HACD1: variants seen among roughly 807,000 people sequenced by gnomAD.
HACD1 encodes the protein very-long-chain (3R)-3-hydroxyacyl-CoA dehydratase 1.
Under a neutral mutation model 32.0 loss-of-function variants are expected in HACD1, and 41 were observed. The observed-to-expected ratio is 1.28, with a 90% CI of 1.00 to 1.66. The LOEUF is 1.66. Among genes scored for constraint, HACD1 ranks in the 40% most tolerant of loss-of-function variants. HACD1 has a pLI of 0.00. For missense variants in HACD1, 396 were observed against 380.1 expected, an observed-to-expected ratio of 1.04 and a Z score of -0.35; for synonymous variants, 142 against 139.0, an observed-to-expected ratio of 1.02 and a Z score of -0.15.
In HACD1 at chr10:17,591,649, A is replaced by G. The variant is rs1554815579; in HGVS notation, c.785-1203T>C. 6.6e-5 allele frequency among the ~76,000 whole-genome samples: 10 copies of G among 152,374 alleles called. No individual in the cohort carries two copies. The South Asian group carries it at 2.1e-3, about 32-fold the overall frequency. On this transcript the variant is annotated intron_variant, in intron 6 of 6. Coordinates refer to ENST00000361271, the MANE Select transcript of HACD1 (RefSeq NM_014241.4). ...TCATAGTATAAATGTTGGTGGATAAACAAATTAATATCAGCTATAAACAAT... is the reference window on the plus strand; with the variant it reads ...TCATAGTATAAATGTTGGTGGATAAGCAAATTAATATCAGCTATAAACAAT...
Position 17,599,059 on chromosome 10 carries a change from T to C in HACD1, c.605+231A>G. On this transcript the variant is annotated intron_variant, in intron 5 of 6. Transcript: ENST00000361271. Reference sequence around the variant, plus strand: ...AATTCTGAGGTTAAGGATACCACAATTTGTCTCACATTGATTTCACTCAAA... The same window carrying C: ...AATTCTGAGGTTAAGGATACCACAACTTGTCTCACATTGATTTCACTCAAA... 3.9e-6 allele frequency: 3 copies of C among 765,532 alleles called. 1 individual carries two copies. In the South Asian group the frequency reaches 1.3e-4, roughly 32 times the overall value. The allele number at this position is 765,532 out of a possible 1,614,324, so 47.4% of individuals were successfully genotyped here.
chr10:17,590,312 A>G lies in HACD1; in HGVS notation c.*52T>C. Reference sequence around the variant, plus strand: ...GTTTATTCTTGTTATTAAAACTTGGACTCAGGTAATCTTGGTTATTCTGGA... The same window carrying G: ...GTTTATTCTTGTTATTAAAACTTGGGCTCAGGTAATCTTGGTTATTCTGGA... On this transcript the variant is annotated 3_prime_UTR_variant, in exon 7 of 7. Coordinates refer to ENST00000361271, the MANE Select transcript of HACD1 (RefSeq NM_014241.4). 1 of 1,287,006 alleles carries G rather than the reference A, an allele frequency of 7.8e-7. No homozygotes were observed. The highest frequency in any genetic ancestry group is 1.1e-6 in the Non-Finnish European group (1 of 916,424). 79.7% of individuals were successfully genotyped at this position (1,287,006 alleles called of 1,614,324 possible). A position where few individuals can be genotyped will look rare whatever the true frequency, so the allele number is the denominator to read the frequency against.
Position 17,617,222 on chromosome 10 carries a change from T to C in HACD1, c.118A>G (p.Met40Val), listed in dbSNP as rs1432100572. ...GTGCCGTCCTCGTCGCTGGACGCCA[T>C]GGTGGCCGCGCACCTGGGGGACGTG... ...SPTSPRCAAT[M>V]ASSDEDGTNG... is the part of the protein sequence containing the mutation. The change falls in exon 1 of 7, where the codon ATG becomes GTG. Residue 40 changes from methionine (M) to valine (V), a missense_variant. Coordinates refer to ENST00000361271, the MANE Select transcript of HACD1 (RefSeq NM_014241.4). The C allele has an allele frequency of 2.7e-6, 4 of 1,492,342 alleles. No individual in the cohort carries two copies. The highest frequency in any genetic ancestry group is 5.7e-5 in the East Asian group (2 of 35,124). 92.4% of individuals were successfully genotyped at this position (1,492,342 alleles called of 1,614,324 possible). A position where few individuals can be genotyped will look rare whatever the true frequency, so the allele number is the denominator to read the frequency against.
chr10:17,609,529 G>A (rs1834200487), intron 1 of HACD1, among the ~76,000 whole-genome samples: 1 of 152,130 alleles, frequency 6.6e-6, no homozygotes, highest in Admixed American at 6.6e-5. Context: ...AAGATACTCA[G>A]TATCGTTAGC....
rs1384555392 is a variant in HACD1, at chr10:17,617,336, C to A, written c.4G>T (p.Gly2Trp). ...GCTGCCGCCGCTTCCGTCAGGCGCC[C>A]CATGTGCAGCGCGCAGGGGGCTCGG... M[G>W]RLTEAAAAGS... The change falls in exon 1 of 7, where the codon GGG (glycine) becomes TGG (tryptophan). Residue 2 changes from glycine (G) to tryptophan (W), a missense_variant. Physicochemically the swap from Gly to Trp is radical, Grantham distance 184. Transcript: ENST00000361271. 5.0e-6 allele frequency: 7 copies of A among 1,412,822 alleles called. No homozygotes were observed. The highest frequency in any genetic ancestry group is 3.1e-5 in the East Asian group (1 of 32,640). 87.5% of individuals were successfully genotyped at this position (1,412,822 alleles called of 1,614,324 possible).
rs1326837541 is a variant in HACD1 at position 17,607,458 on chromosome 10, A to G, written c.258-3411T>C. On this transcript the variant is annotated intron_variant, in intron 1 of 6. Transcript: ENST00000361271. ...AATTCAAAGTCCCCATATTTCTTCT[A>G]CTAAGAAAACAAAAAGTTTATTAAG... Among the ~76,000 whole-genome samples the G allele has an allele frequency of 2.0e-5, 3 of 152,180 alleles. 1 individual carries two copies. The highest frequency in any genetic ancestry group is 7.2e-5 in the African/African-American group (3 of 41,438).
At chr10:17,596,517 T>C (rs1412885765) in intron 5 of HACD1, among the ~76,000 whole-genome samples, 2 of 150,574 alleles carry the variant, frequency 1.3e-5, no homozygotes, top group Non-Finnish European at 3.0e-5. Context: ...TGTTCTTCAA[T>C]AGAAGAAAAA....
chr10:17,598,047 C>T (rs1462049666), intron 5 of HACD1, among the ~76,000 whole-genome samples: 1 of 151,636 alleles, frequency 6.6e-6, no homozygotes, highest in Non-Finnish European at 1.5e-5. Context: ...ATCACTTGAG[C>T]TCAGGTGTTC....
chr10:17,599,498 T>C, intron 4 of HACD1, 87 bp from the exon 5 acceptor site: 1 of 1,474,574 alleles, frequency 6.8e-7, no homozygotes, highest in South Asian at 1.4e-5. Flanking sequence ...TATTGCCTTT[T>C]ATTTATAATG....
chr10:17,616,240 G>GCCT (rs1833082041), intron 1 of HACD1, among the ~76,000 whole-genome samples: 1 of 67,972 alleles, frequency 1.5e-5, no homozygotes, highest in Non-Finnish European at 3.2e-5. Context: ...CTGCACTCCA[G>GCCT]CCAAGACCGA....
At chr10:17,593,447 C>G (rs1410546628) in intron 6 of HACD1, among the ~76,000 whole-genome samples, 4 of 152,130 alleles carry the variant, frequency 2.6e-5, no homozygotes, top group African/African-American at 9.7e-5. Flanking sequence ...TCCTGAGTAG[C>G]TGAGATTACA....
intron 6 of HACD1, among the ~76,000 whole-genome samples, chr10:17,591,010 G>A (rs1554815539): frequency 6.6e-6 from 1 of 152,016 alleles, no homozygotes; most frequent in Non-Finnish European, 1.5e-5. Context: ...TAAATACCTT[G>A]ATAAAAATAC....
rs1554818218 is a variant in HACD1, at chr10:17,617,156, G to A, written c.184C>T (p.Pro62Ser). ...ASEAGEDREA[P>S]GERRRLGVLA... ...ACCCCCAGGCGCCTCCGCTCGCCGG[G>A]AGCCTCCCGGTCCTCGCCGGCCTCC... Residue 62 changes from proline to serine, a missense_variant, in exon 1 of 7, where the codon CCC becomes TCC. Coordinates refer to ENST00000361271, the MANE Select transcript of HACD1 (RefSeq NM_014241.4). The A allele has an allele frequency of 1.3e-6, 2 of 1,506,014 alleles. No homozygotes were observed. Among genetic ancestry groups the A allele is most frequent in the African/African-American group, 2.9e-5 (2 of 69,306 alleles). 93.3% of individuals were successfully genotyped at this position (1,506,014 alleles called of 1,614,324 possible). A position where few individuals can be genotyped will look rare whatever the true frequency, so the allele number is the denominator to read the frequency against.
chr10:17,601,336 C>G (rs1435025275), intron 4 of HACD1, among the ~76,000 whole-genome samples: 5 of 152,130 alleles, frequency 3.3e-5, no homozygotes, highest in Admixed American at 2.0e-4. Context: ...ACCCGCCCAC[C>G]TTATTCATTT....
At position 17,590,465 on chromosome 10, in the gene HACD1, CAAAG is replaced by C. The variant is rs1554815483; in HGVS notation, c.785-23_785-20del. 6.6e-7 allele frequency: 1 copy of C among 1,516,082 alleles called. No homozygotes were observed. The highest frequency in any genetic ancestry group is 2.0e-5 in the Admixed American group (1 of 51,262). 93.9% of individuals were successfully genotyped at this position (1,516,082 alleles called of 1,614,324 possible). On this transcript the variant is annotated intron_variant, in intron 6 of 6. Transcript: ENST00000361271. ...GGAAACACTTCATTGAAAAAGAAAA[CAAAG>C]AAAAACAAGCTATTGCTTTAAAATT...
chr10:17,602,350 C>T (rs1413560204), intron 4 of HACD1, among the ~76,000 whole-genome samples: 1 of 151,958 alleles, frequency 6.6e-6, no homozygotes, highest in Non-Finnish European at 1.5e-5. Flanking sequence ...GGATTACAGG[C>T]TTGTGCCACC....
At position 17,608,193 on chromosome 10, in the gene HACD1, TG is replaced by T. The variant is rs566173317; in HGVS notation, c.258-4147del. Among the ~76,000 whole-genome samples the T allele has an allele frequency of 5.3e-4, 81 of 151,992 alleles. No homozygotes were observed. The South Asian group carries it at 0.011, about 20-fold the overall frequency. On this transcript the variant is annotated intron_variant, in intron 1 of 6. Coordinates refer to ENST00000361271, the MANE Select transcript of HACD1 (RefSeq NM_014241.4). ...CCTGGCTCATTATTGTTCTTGCTGT[TG>T]TGGGGTTTTTTTTAGTAGAGATGGG...
rs782494727 is a variant in HACD1 at position 17,611,967 on chromosome 10, GA to G, written c.257+5115del. On this transcript the variant is annotated intron_variant, in intron 1 of 6. Coordinates refer to ENST00000361271, the MANE Select transcript of HACD1 (RefSeq NM_014241.4). The stretch of plus-strand genomic sequence containing the variant: ...GGGTGACAGAGCGAGACTCTGTCTT[GA>G]AAAAAAAAAAAATCCTTACATCTGC... Among the ~76,000 whole-genome samples, 1,402 of 140,312 alleles carry G rather than the reference GA, an allele frequency of 1.0e-2. 12 individuals carry two copies. The highest frequency in any genetic ancestry group is 0.039 in the Middle Eastern group (10 of 256). 92.1% of individuals were successfully genotyped at this position (140,312 alleles called of 152,430 possible).
rs997567552 is a variant in HACD1, at chr10:17,614,258, G to A, written c.257+2825C>T. Among the ~76,000 whole-genome samples, 20 of 152,252 alleles carry A rather than the reference G, an allele frequency of 1.3e-4. 1 individual carries two copies. Among genetic ancestry groups the A allele is most frequent in the Admixed American group, 1.2e-3 (19 of 15,282 alleles). On this transcript the variant is annotated intron_variant, in intron 1 of 6. Transcript: ENST00000361271. Reference sequence around the variant, plus strand: ...ATCCTGGGCAATATAGCAAAAACCTGTCTTTACAGAAATTATTATTATTAT... The same window carrying A: ...ATCCTGGGCAATATAGCAAAAACCTATCTTTACAGAAATTATTATTATTAT...
Sources: gnomAD v4.1 joint callset for allele counts (sites outside exome capture counted in the v4.1 genomes callset) on GRCh38, gnomAD v4.1.1 for gene constraint, MANE v1.5 for transcripts, NCBI Gene and HGNC (gene_info 2026-07-23, HGNC 2026-07-21) for gene names.